Variants in ACSF2 observed in about 807,000 individuals in gnomAD.
ACSF2 encodes medium-chain acyl-CoA ligase ACSF2, mitochondrial.
Under a neutral mutation model 79.3 loss-of-function variants are expected in ACSF2, and 52 were observed. The observed-to-expected ratio is 0.66, with a 90% CI of 0.53 to 0.83. The LOEUF (loss-of-function observed/expected upper bound fraction) is 0.83. Among genes scored for constraint, ACSF2 ranks in the 40% least tolerant of loss-of-function variants. The probability of loss-of-function intolerance (pLI) is 0.00; values close to 1 mark genes in which losing one functional copy is unlikely to be tolerated. For synonymous variants in ACSF2, 283 were observed against 312.6 expected (o/e 0.91, Z 1.00); for missense variants, 661 against 803.3 (o/e 0.82, Z 2.14).
rs754334661 is a variant in ACSF2 at position 50,463,851 on chromosome 17, C to T, written c.1080C>T (p.Phe360=). 11 of 1,614,028 alleles carry T rather than the reference C, an allele frequency of 6.8e-6. No homozygotes were observed. Among genetic ancestry groups the T allele is most frequent in the African/African-American group, 4.0e-5 (3 of 74,904 alleles). The change falls in exon 9 of 16, where the codon TTC becomes TTT. Residue 360 remains phenylalanine, a synonymous_variant. Transcript: ENST00000300441. This position sits in a 1 kb window ranked among gnomAD's most constrained non-coding sequence, Gnocchi z 4.6. ...TCCTGTATGGTACCCCCACGATGTT[C>T]GTGGACATTCTGAACCAGCCAGACT... ...GTFLYGTPTM[F]VDILNQPDFS...
intron 1 of ACSF2, among the ~76,000 whole-genome samples, chr17:50,431,527 C>T (rs765571170): frequency 3.3e-5 from 5 of 152,240 alleles, no homozygotes; most frequent in Admixed American, 1.3e-4. Context: ...TGAAATCTCA[C>T]TTGTGCTTCA....
chr17:50,469,086 C>T (rs1184286762), intron 10 of ACSF2: 1 of 1,217,348 alleles, frequency 8.2e-7, no homozygotes, highest in Non-Finnish European at 1.0e-6. Flanking sequence ...CCCCGAGCCC[C>T]GAGCCCTGAG....
chr17:50,472,646 C>A (rs542270419), intron 12 of ACSF2, 67 bp downstream of exon 12: 3 of 1,521,184 alleles, frequency 2.0e-6, no homozygotes, highest in Non-Finnish European at 2.6e-6. Flanking sequence ...GAGGCTGAGC[C>A]GGGAACATTA....
At chr17:50,468,771 CAGCCAGGA>C in intron 10 of ACSF2, 1 of 1,583,552 alleles carries the variant, frequency 6.3e-7, no homozygotes, top group Non-Finnish European at 8.6e-7. Flanking sequence ...GGCAGCAGAC[CAGCCAGGA>C]GGCCGAGGCT....
At chr17:50,426,521 C>T in intron 1 of ACSF2, 132 bp downstream of exon 1, 2 of 1,116,384 alleles carry the variant, frequency 1.8e-6, no homozygotes, top group Middle Eastern at 3.3e-4. Context: ...CCTCCCCCGC[C>T]CCCCGCCAGC....
At chr17:50,431,079 C>G (rs1017221920) in intron 1 of ACSF2, among the ~76,000 whole-genome samples, 11 of 152,182 alleles carry the variant, frequency 7.2e-5, no homozygotes, top group African/African-American at 2.7e-4. Flanking sequence ...CCCATAATTT[C>G]CAAAACATGA....
intron 10 of ACSF2, among the ~76,000 whole-genome samples, chr17:50,469,279 C>T (rs941418853): frequency 9.8e-5 from 15 of 152,380 alleles, no homozygotes; most frequent in Admixed American, 7.8e-4. Flanking sequence ...TCCACACACG[C>T]TCGGCCGGGT....
intron 1 of ACSF2, chr17:50,460,090 G>A (rs2032240668): frequency 2.4e-6 from 1 of 417,590 alleles, no homozygotes; most frequent in African/African-American, 2.1e-5. Flanking sequence ...TTTAGCACCT[G>A]GCACTGAACA....
At chr17:50,465,665 A>G (rs764790424) in intron 10 of ACSF2, 3 of 1,608,732 alleles carry the variant, frequency 1.9e-6, no homozygotes, top group Non-Finnish European at 2.5e-6. Flanking sequence ...TGCCTCTATC[A>G]CATGAGGGTG....
intron 1 of ACSF2, among the ~76,000 whole-genome samples, chr17:50,446,006 A>G (rs1251026087): frequency 6.6e-6 from 1 of 152,238 alleles, no homozygotes; most frequent in Non-Finnish European, 1.5e-5. Flanking sequence ...ACACAGCCTC[A>G]GGAAGGAAAA....
In ACSF2 at chr17:50,474,043, T is replaced by A. The variant is rs2033236631; in HGVS notation, c.1728+39T>A. On this transcript the variant is annotated intron_variant, in intron 14 of 15. Coordinates refer to ENST00000300441, the MANE Select transcript of ACSF2 (RefSeq NM_025149.6). This position sits in a 1 kb window ranked among gnomAD's most constrained non-coding sequence, Gnocchi z 4.2. ...CTCAACCTAGCTGATGCTGCTCTGTTCTTTGCTCACCCACTCCTCTGCCAA... is the reference window on the plus strand; with the variant it reads ...CTCAACCTAGCTGATGCTGCTCTGTACTTTGCTCACCCACTCCTCTGCCAA... 1 of 1,550,710 alleles carries A rather than the reference T, an allele frequency of 6.4e-7. No homozygotes were observed. The highest frequency in any genetic ancestry group is 8.7e-7 in the Non-Finnish European group (1 of 1,147,350).
At chr17:50,461,039 T>C in intron 2 of ACSF2, 167 bp downstream of exon 2, 1 of 1,092,256 alleles carries the variant, frequency 9.2e-7, no homozygotes, top group South Asian at 1.6e-5. Context: ...GCACAAGGGG[T>C]CCAATGCCTC....
At chr17:50,445,995 AAC>A (rs1287704132) in intron 1 of ACSF2, among the ~76,000 whole-genome samples, 1 of 152,182 alleles carries the variant, frequency 6.6e-6, no homozygotes, top group Non-Finnish European at 1.5e-5. Context: ...CTGTCCAGAA[AAC>A]ACAGCCTCAG....
chr17:50,463,021 C>G lies in ACSF2; in HGVS notation c.793-135C>G. Reference sequence around the variant, plus strand: ...ACCTGGTATCGTGGTAGACCTTTTGCAAATATACTGAACAGATGGATCTGG... The same window carrying G: ...ACCTGGTATCGTGGTAGACCTTTTGGAAATATACTGAACAGATGGATCTGG... On this transcript the variant is annotated intron_variant, in intron 6 of 15. Coordinates refer to ENST00000300441, the MANE Select transcript of ACSF2 (RefSeq NM_025149.6). This position sits in a 1 kb window ranked among gnomAD's most constrained non-coding sequence, Gnocchi z 4.6. 1 of 753,268 alleles carries G rather than the reference C, an allele frequency of 1.3e-6. No homozygotes were observed. The highest frequency in any genetic ancestry group is 2.2e-6 in the Non-Finnish European group (1 of 448,546). 46.7% of individuals were successfully genotyped at this position (753,268 alleles called of 1,614,324 possible).
intron 1 of ACSF2, among the ~76,000 whole-genome samples, chr17:50,432,210 T>C (rs1314370198): frequency 6.6e-6 from 1 of 152,226 alleles, no homozygotes; most frequent in African/African-American, 2.4e-5. Flanking sequence ...GCCTTGACTT[T>C]TCTTATGTAT....
intron 1 of ACSF2, chr17:50,426,792 TCC>T (rs1915037490): frequency 1.8e-6 from 2 of 1,140,358 alleles, no homozygotes; most frequent in Middle Eastern, 2.0e-4. Context: ...AGCCCCAGTC[TCC>T]CCGACCCAGG....
Position 50,435,928 on chromosome 17 carries a change from G to GT in ACSF2, c.128+9548dup, listed in dbSNP as rs536240395. ...CCACTGCACCCAGCGCTCAGTGAGT[G>GT]TTTTTTTTTGTTGTTTGTTTGTTTT... On this transcript the variant is annotated intron_variant, in intron 1 of 15. Coordinates refer to ENST00000300441, the MANE Select transcript of ACSF2 (RefSeq NM_025149.6). Among the ~76,000 whole-genome samples, 708 of 149,460 alleles carry GT rather than the reference G, an allele frequency of 4.7e-3. 3 individuals carry two copies. Among genetic ancestry groups the GT allele is most frequent in the Non-Finnish European group, 7.3e-3 (493 of 67,246 alleles).
intron 1 of ACSF2, among the ~76,000 whole-genome samples, chr17:50,428,422 G>A (rs1191323820): frequency 6.6e-6 from 1 of 151,674 alleles, no homozygotes; most frequent in East Asian, 1.9e-4. Flanking sequence ...GGTGGTTGTA[G>A]TGAGCCAAGA....
intron 1 of ACSF2, among the ~76,000 whole-genome samples, chr17:50,456,600 C>T (rs963941232): frequency 3.3e-5 from 5 of 151,958 alleles, no homozygotes; most frequent in Admixed American, 1.3e-4. Context: ...GGCGTGGTGG[C>T]GCATGCCTGT....
Sources: allele counts gnomAD v4.1 joint callset (sites outside exome capture counted in the v4.1 genomes callset), GRCh38; gene constraint gnomAD v4.1.1; non-coding constraint Gnocchi (gnomAD v3.1); transcripts MANE v1.5; gene names NCBI Gene and HGNC (gene_info 2026-07-23, HGNC 2026-07-21).